The following RIC1 variants were observed in gnomAD, a reference collection of about 807,000 sequenced individuals.
RIC1 encodes the protein guanine nucleotide exchange factor subunit RIC1.
A neutral mutation model predicts 169.0 loss-of-function variants in RIC1; 88 were observed. That is an observed-to-expected ratio of 0.52 (90% CI 0.44 to 0.62). The LOEUF is 0.62. Among genes scored for constraint, RIC1 ranks in the 20% least tolerant of loss-of-function variants. The probability of loss-of-function intolerance (pLI) is 0.00; values close to 1 mark genes in which losing one functional copy is unlikely to be tolerated. For missense variants in RIC1, 1,877 were observed against 1,725.5 expected (o/e 1.09, Z -1.56); for synonymous variants, 790 against 601.5 (o/e 1.31, Z -4.59).
At chr9:5,778,481 C>G (rs1353014116), downstream of RIC1, among the ~76,000 whole-genome samples, 2 of 152,172 alleles carry the variant, frequency 1.3e-5, no homozygotes, top group Non-Finnish European at 2.9e-5. Context: ...TAGGGAGAAG[C>G]TTTCTCTCAT....
chr9:5,639,673 G>A (rs1818140343), intron 1 of RIC1, among the ~76,000 whole-genome samples: 1 of 152,204 alleles, frequency 6.6e-6, no homozygotes, highest in Non-Finnish European at 1.5e-5. Flanking sequence ...GTTCAGTGCT[G>A]AAAGTGAGGT....
chr9:5,759,574 G>C (rs544394958), intron 17 of RIC1, among the ~76,000 whole-genome samples: 39 of 152,180 alleles, frequency 2.6e-4, no homozygotes, highest in Non-Finnish European at 4.9e-4. Flanking sequence ...ATTCAAATCA[G>C]CTATGAAAAG....
At chr9:5,689,208 C>T (rs1248594820) in intron 2 of RIC1, among the ~76,000 whole-genome samples, 3 of 151,788 alleles carry the variant, frequency 2.0e-5, no homozygotes, top group African/African-American at 7.3e-5. Context: ...GCCACCACGC[C>T]CGGCTAATTT....
intron 2 of RIC1, among the ~76,000 whole-genome samples, chr9:5,687,574 A>G (rs1484688832): frequency 1.3e-5 from 2 of 152,028 alleles, no homozygotes; most frequent in Non-Finnish European, 2.9e-5. Flanking sequence ...CCTTTGATTC[A>G]TGGGTTATTT....
intron 1 of RIC1, among the ~76,000 whole-genome samples, chr9:5,649,253 A>G (rs1023189428): frequency 1.3e-5 from 2 of 152,344 alleles, no homozygotes; most frequent in South Asian, 4.1e-4. Flanking sequence ...AATAAATGGT[A>G]ATTACATAGA....
At chr9:5,736,592 G>C (rs1272984802) in intron 7 of RIC1, among the ~76,000 whole-genome samples, 2 of 152,132 alleles carry the variant, frequency 1.3e-5, no homozygotes, top group African/African-American at 4.8e-5. Context: ...CACCAAAGAG[G>C]TGGCACAAAG....
chr9:5,701,188 C>G (rs371941652), intron 3 of RIC1, among the ~76,000 whole-genome samples: 22 of 152,144 alleles, frequency 1.4e-4, no homozygotes, highest in Admixed American at 3.3e-4. Context: ...TAGAAAAGCT[C>G]TGAATGTTTT....
intron 6 of RIC1, among the ~76,000 whole-genome samples, chr9:5,730,434 T>G (rs143555096): frequency 1.1e-3 from 166 of 152,250 alleles, no homozygotes; most frequent in African/African-American, 3.7e-3. Flanking sequence ...ACAGACATGG[T>G]AAGCAAAAAA....
At chr9:5,639,406 T>C (rs1001296667) in intron 1 of RIC1, among the ~76,000 whole-genome samples, 13 of 152,256 alleles carry the variant, frequency 8.5e-5, no homozygotes, top group Non-Finnish European at 1.8e-4. Context: ...TTATATGATT[T>C]CCAGAATTGT....
intron 1 of RIC1, among the ~76,000 whole-genome samples, chr9:5,641,045 TAAAG>T (rs1563862049): frequency 1.3e-5 from 2 of 151,650 alleles, no homozygotes; most frequent in African/African-American, 4.8e-5. Context: ...TTATCCTTGA[TAAAG>T]AAACTATCCT....
chr9:5,680,928 G>A (rs538169544), intron 2 of RIC1, among the ~76,000 whole-genome samples: 8 of 138,598 alleles, frequency 5.8e-5, no homozygotes, highest in African/African-American at 1.3e-4. Flanking sequence ...CCGGGTTCAC[G>A]CCATTCTCCT....
Position 5,747,380 on chromosome 9 carries a change from C to A in RIC1, c.1327C>A (p.Pro443Thr). Residue 443 changes from proline to threonine, a missense_variant, in exon 12 of 26, where the codon CCC (proline) becomes ACC (threonine). By Grantham distance (38) the Pro-to-Thr change is conservative. This residue lies in a region of RIC1 where 1,104 missense variants were observed against 992.0 expected (regional missense o/e 1.11). Transcript: ENST00000414202. Reference sequence around the variant, plus strand: ...TGGAGAGGCTTCACAAACCCAGAATCCCAGGAGTTCTTCAACACACTCTGA... The same window carrying A: ...TGGAGAGGCTTCACAAACCCAGAATACCAGGAGTTCTTCAACACACTCTGA... ...NCGEASQTQN[P>T]RSSSTHSEHK... is the part of the protein sequence containing the mutation. The A allele has an allele frequency of 6.2e-7, 1 of 1,614,044 alleles. No homozygotes were observed. Among genetic ancestry groups the A allele is most frequent in the Non-Finnish European group, 8.5e-7 (1 of 1,179,940 alleles).
Position 5,775,965 on chromosome 9 carries a change from T to G in RIC1, c.*1719T>G, listed in dbSNP as rs1296321802. On this transcript the variant is annotated 3_prime_UTR_variant, in exon 26 of 26. Transcript: ENST00000414202. ...AGCCCAGCAAGAAACTAAACTGAAC[T>G]CTCTTCTCCTATCCTAGTCCATTAA... 1 of 152,128 alleles carries G rather than the reference T, an allele frequency of 6.6e-6. No individual in the cohort carries two copies. The highest frequency in any genetic ancestry group is 1.9e-4 in the East Asian group (1 of 5,198). The allele number at this position is 152,128 out of a possible 1,614,324, so 9.4% of individuals were successfully genotyped here.
intron 12 of RIC1, among the ~76,000 whole-genome samples, chr9:5,751,061 G>A (rs995546686): frequency 4.6e-5 from 7 of 151,576 alleles, no homozygotes; most frequent in African/African-American, 1.7e-4. Context: ...TTTAACTTTG[G>A]TTCCCATTAT....
intron 22 of RIC1, 117 bp downstream of exon 22, chr9:5,769,373 A>G: frequency 6.2e-7 from 1 of 1,605,290 alleles, no homozygotes; most frequent in Non-Finnish European, 8.5e-7. Context: ...TTAGGAATGG[A>G]TAAAAGCCAA....
Position 5,765,395 on chromosome 9 carries a change from T to TC in RIC1, c.2842-17dup, listed in dbSNP as rs1194111983. 1 of 1,606,016 alleles carries TC rather than the reference T, an allele frequency of 6.2e-7. No individual in the cohort carries two copies. Among genetic ancestry groups the TC allele is most frequent in the Non-Finnish European group, 8.5e-7 (1 of 1,176,834 alleles). On this transcript the variant is annotated intron_variant, in intron 19 of 25. Coordinates refer to ENST00000414202, the MANE Select transcript of RIC1 (RefSeq NM_020829.4). ...ATTGTGTAGTATAAAAAGAATGCTG[T>TC]CCTGGTTGTTTTTTGTAGAATATGG...
At position 5,650,791 on chromosome 9, in the gene RIC1, C is replaced by T. The variant is rs7037125; in HGVS notation, c.145-5792C>T. On this transcript the variant is annotated intron_variant, in intron 1 of 25. Coordinates refer to ENST00000414202, the MANE Select transcript of RIC1 (RefSeq NM_020829.4). ...CCTCCCCAGTATACCCTCCCCAGTG[C>T]ATTGCACTTGCCTGTTCTCCACAGT... Among the ~76,000 whole-genome samples the T allele has an allele frequency of 9.0e-3, 1,371 of 152,240 alleles. 17 individuals are homozygous for T. The highest frequency in any genetic ancestry group is 0.032 in the African/African-American group (1,311 of 41,524).
chr9:5,694,771 G>A (rs972899644), intron 3 of RIC1, among the ~76,000 whole-genome samples: 2 of 145,328 alleles, frequency 1.4e-5, no homozygotes, highest in African/African-American at 2.5e-5. Context: ...TAATATAAAC[G>A]ATAAGCAGTT....
intron 3 of RIC1, among the ~76,000 whole-genome samples, chr9:5,697,406 G>T (rs1821968274): frequency 6.6e-6 from 1 of 152,016 alleles, no homozygotes; most frequent in Admixed American, 6.6e-5. Context: ...GATCTATTTT[G>T]TCCAGTTCTC....
Sources: allele counts gnomAD v4.1 joint callset (sites outside exome capture counted in the v4.1 genomes callset), GRCh38; gene constraint gnomAD v4.1.1; regional missense constraint gnomAD v4.1.1; transcripts MANE v1.5; gene names NCBI Gene and HGNC (gene_info 2026-07-23, HGNC 2026-07-21).